The following FBXW11 variants were observed in gnomAD, a reference collection of about 807,000 sequenced individuals.
FBXW11 encodes the protein F-box/WD repeat-containing protein 11.
In FBXW11, 19 loss-of-function variants were observed where a neutral mutation model predicts 77.6. The observed-to-expected ratio is 0.24, with a 90% confidence interval of 0.17 to 0.36. FBXW11 has a LOEUF of 0.36. Among genes scored for constraint, FBXW11 ranks in the 10% least tolerant of loss-of-function variants. The pLI is 1.00. For missense variants in FBXW11, 334 were observed against 704.2 expected, an observed-to-expected ratio of 0.47 and a Z score of 5.95; for synonymous variants, 235 against 249.4, an observed-to-expected ratio of 0.94 and a Z score of 0.54.
At chr5:171,870,386 CG>C (rs1757681522) in intron 11 of FBXW11, among the ~76,000 whole-genome samples, 7 of 34,286 alleles carry the variant, frequency 2.0e-4, no homozygotes, top group Admixed American at 1.0e-3. Flanking sequence ...TATTGTTGAA[CG>C]AACACACACA....
At chr5:172,000,520 G>A (rs1488409929) in intron 1 of FBXW11, among the ~76,000 whole-genome samples, 1 of 152,128 alleles carries the variant, frequency 6.6e-6, no homozygotes, top group Non-Finnish European at 1.5e-5. Context: ...TTAAATGTAT[G>A]GCTAAAAGCA....
intron 2 of FBXW11, among the ~76,000 whole-genome samples, chr5:171,953,641 C>G (rs149228443): frequency 9.2e-5 from 14 of 152,246 alleles, no homozygotes; most frequent in African/African-American, 3.1e-4. Context: ...GAGTAAGAAT[C>G]AGTAAGAGGT....
chr5:172,005,923 C>T (rs1422580493), intron 1 of FBXW11, among the ~76,000 whole-genome samples: 3 of 152,044 alleles, frequency 2.0e-5, no homozygotes, highest in African/African-American at 7.2e-5. Context: ...AGCTCCCTGC[C>T]CCCCCAGCTC....
At position 171,876,334 on chromosome 5, in the gene FBXW11, T is replaced by C. The variant is rs1442629123; in HGVS notation, c.1172A>G (p.Asp391Gly). 6.2e-7 allele frequency: 1 copy of C among 1,614,146 alleles called. No homozygotes were observed. The change falls in exon 9 of 14, where the codon GAC becomes GGC. Residue 391 changes from aspartate to glycine, a missense_variant. Physicochemically the swap from Asp to Gly is moderately conservative, Grantham distance 94. Transcript: ENST00000517395. This position sits in a 1 kb window ranked among gnomAD's most constrained non-coding sequence, Gnocchi z 4.2. ...VGHRAAVNVV[D>G]FDDKYIVSAS... ...AGACACGATGTACTTGTCGTCAAAG[T>C]CTACTACATTGACGGCAGCCCGGTG...
At chr5:171,980,482 G>C (rs1765080434) in intron 1 of FBXW11, among the ~76,000 whole-genome samples, 1 of 152,062 alleles carries the variant, frequency 6.6e-6, no homozygotes, top group Non-Finnish European at 1.5e-5. Context: ...TCTGACAAAG[G>C]ACTAATTTCC....
intron 3 of FBXW11, among the ~76,000 whole-genome samples, chr5:171,913,688 CTTCAGA>C (rs1035718734): frequency 6.6e-6 from 1 of 152,060 alleles, no homozygotes; most frequent in African/African-American, 2.4e-5. Flanking sequence ...ACATTATTAT[CTTCAGA>C]TTTAGATTTG....
intron 1 of FBXW11, among the ~76,000 whole-genome samples, chr5:171,965,250 G>A (rs1036350860): frequency 2.6e-5 from 4 of 152,150 alleles, no homozygotes; most frequent in African/African-American, 7.2e-5. Flanking sequence ...ACCCATCCAG[G>A]CAAGATGGCT....
chr5:171,921,710 T>C lies in FBXW11; in HGVS notation c.148-7305A>G, dbSNP rs564007636. Among the ~76,000 whole-genome samples the C allele has an allele frequency of 1.1e-4, 16 of 152,284 alleles. 1 individual carries two copies. The South Asian group carries it at 3.3e-3, about 32-fold the overall frequency. On this transcript the variant is annotated intron_variant, in intron 2 of 13. Transcript: ENST00000517395. ...TATTGCAAGGAGAGCAATATTTACATTTTAAATCTCTGAAAAGCAAGATTC... is the reference window on the plus strand; with the variant it reads ...TATTGCAAGGAGAGCAATATTTACACTTTAAATCTCTGAAAAGCAAGATTC...
At chr5:171,924,952 C>T (rs1298952038) in intron 2 of FBXW11, among the ~76,000 whole-genome samples, 9 of 152,168 alleles carry the variant, frequency 5.9e-5, no homozygotes, top group Non-Finnish European at 1.2e-4. Context: ...TGTCTAGATG[C>T]CGGTGCCCAA....
intron 9 of FBXW11, among the ~76,000 whole-genome samples, chr5:171,873,705 G>A (rs1194832566): frequency 6.6e-6 from 1 of 152,214 alleles, no homozygotes; most frequent in Non-Finnish European, 1.5e-5. Context: ...TTCTGGAACA[G>A]CTCCATTTGT....
chr5:171,977,309 C>CAAA (rs58800740), intron 1 of FBXW11, among the ~76,000 whole-genome samples: 4 of 62,894 alleles, frequency 6.4e-5, no homozygotes, highest in Non-Finnish European at 1.0e-4. Context: ...GACCATGTCT[C>CAAA]AAAAAAAAAA....
At chr5:171,900,674 T>C (rs1417133931) in intron 4 of FBXW11, among the ~76,000 whole-genome samples, 1 of 152,148 alleles carries the variant, frequency 6.6e-6, no homozygotes, top group Non-Finnish European at 1.5e-5. Flanking sequence ...TAAATGGCAA[T>C]CCAAGAATTA....
chr5:171,967,796 G>A (rs1297456381), intron 1 of FBXW11, among the ~76,000 whole-genome samples: 1 of 145,064 alleles, frequency 6.9e-6, no homozygotes, highest in Non-Finnish European at 1.5e-5. Flanking sequence ...CCAAGATCAC[G>A]CCACTGCACT....
rs190051601 is a variant in FBXW11, at chr5:171,960,754, T to C, written c.46-3056A>G. ...ATATTATCAAGGCTTTTTAACCATT[T>C]AATGATTTAATCAATACTCATAACA... On this transcript the variant is annotated intron_variant, in intron 1 of 13. Coordinates refer to ENST00000517395, the MANE Select transcript of FBXW11 (RefSeq NM_001378974.1). Among the ~76,000 whole-genome samples, 926 of 152,350 alleles carry C rather than the reference T, an allele frequency of 6.1e-3. 7 individuals are homozygous for C. Among genetic ancestry groups the C allele is most frequent in the Non-Finnish European group, 0.01 (698 of 68,036 alleles).
intron 2 of FBXW11, among the ~76,000 whole-genome samples, chr5:171,932,607 A>C (rs1425315047): frequency 6.6e-6 from 1 of 152,100 alleles, no homozygotes; most frequent in Non-Finnish European, 1.5e-5. Context: ...TATTCACCCT[A>C]CTCTGGTGCA....
intron 4 of FBXW11, among the ~76,000 whole-genome samples, chr5:171,906,964 T>C (rs1561670877): frequency 6.6e-6 from 1 of 152,176 alleles, no homozygotes. Flanking sequence ...AGCCAAGTGT[T>C]TCAAAACTCT....
At chr5:171,921,174 G>T (rs1166374983) in intron 2 of FBXW11, among the ~76,000 whole-genome samples, 1 of 152,112 alleles carries the variant, frequency 6.6e-6, no homozygotes, top group Non-Finnish European at 1.5e-5. Flanking sequence ...CCAATCAACG[G>T]AAGTGGTAGG....
chr5:171,975,887 T>C (rs1764802310), intron 1 of FBXW11, among the ~76,000 whole-genome samples: 1 of 152,114 alleles, frequency 6.6e-6, no homozygotes, highest in Admixed American at 6.5e-5. Context: ...GAACCAAATA[T>C]ATGGGGGGAG....
At chr5:171,897,032 G>C (rs531085822) in intron 6 of FBXW11, among the ~76,000 whole-genome samples, 1 of 152,116 alleles carries the variant, frequency 6.6e-6, no homozygotes, top group Non-Finnish European at 1.5e-5. Context: ...TTAAAAACTC[G>C]TATTAAGGGT....
Sources: allele counts gnomAD v4.1 joint callset (sites outside exome capture counted in the v4.1 genomes callset), GRCh38; gene constraint gnomAD v4.1.1; non-coding constraint Gnocchi (gnomAD v3.1); transcripts MANE v1.5; gene names NCBI Gene and HGNC (gene_info 2026-07-23, HGNC 2026-07-21).